The following LTBP2 variants were observed in gnomAD, a reference collection of about 807,000 sequenced individuals.
LTBP2 encodes latent transforming growth factor beta binding protein 2.
Under a neutral mutation model 210.6 loss-of-function variants are expected in LTBP2, and 103 were observed. The observed-to-expected ratio is 0.49, with a 90% CI of 0.42 to 0.58. The LOEUF is 0.58. Ranked by LOEUF, LTBP2 falls within the 20% of genes least tolerant of loss-of-function variation. LTBP2 has a pLI of 0.00. For synonymous variants in LTBP2, 1,007 were observed against 1,015.0 expected, an observed-to-expected ratio of 0.99 and a Z score of 0.15; for missense variants, 2,313 against 2,494.5, an observed-to-expected ratio of 0.93 and a Z score of 1.55.
intron 17 of LTBP2, 48 bp downstream of exon 17, chr14:74,521,863 C>A: frequency 6.2e-7 from 1 of 1,612,270 alleles, no homozygotes; most frequent in East Asian, 2.2e-5. Flanking sequence ...TCTTCCACCC[C>A]CTCAAGACTG....
At chr14:74,519,756 C>T (rs553022984) in intron 17 of LTBP2, among the ~76,000 whole-genome samples, 36 of 152,296 alleles carry the variant, frequency 2.4e-4, no homozygotes, top group South Asian at 4.1e-4. Context: ...CAGGCTGGCA[C>T]GGTGGCAGAA....
intron 3 of LTBP2, among the ~76,000 whole-genome samples, chr14:74,570,035 C>T (rs1384153960): frequency 6.6e-6 from 1 of 152,100 alleles, no homozygotes; most frequent in Non-Finnish European, 1.5e-5. Flanking sequence ...GAGCTGCAGC[C>T]ATGAAAAGGG....
chr14:74,562,566 A>T (rs1243501481), intron 3 of LTBP2, among the ~76,000 whole-genome samples: 1 of 152,186 alleles, frequency 6.6e-6, no homozygotes, highest in Non-Finnish European at 1.5e-5. Context: ...AGAAACAGAA[A>T]TGTCAGAGAC....
chr14:74,507,015 T>C (rs1566614506), intron 26 of LTBP2, among the ~76,000 whole-genome samples, 164 bp downstream of exon 26: 1 of 152,204 alleles, frequency 6.6e-6, no homozygotes, highest in Non-Finnish European at 1.5e-5. Context: ...ATCCTAACAT[T>C]CACAGTCCTG....
In LTBP2 at chr14:74,527,549, C is replaced by A. The variant is rs111609012; in HGVS notation, c.2369-183G>T. On this transcript the variant is annotated intron_variant, in intron 12 of 35. Coordinates refer to ENST00000261978, the MANE Select transcript of LTBP2 (RefSeq NM_000428.3). ...CCATCACCCCTGTAGGGACTGGCCA[C>A]CACAAAATTCCAGAACCCCAGGTCT... is the stretch of plus-strand genomic sequence containing the variant. 2.6e-3 allele frequency among the ~76,000 whole-genome samples: 397 copies of A among 152,342 alleles called. 1 individual carries two copies. Among genetic ancestry groups the A allele is most frequent in the African/African-American group, 9.1e-3 (377 of 41,586 alleles).
chr14:74,582,698 G>A (rs555958603), intron 3 of LTBP2, among the ~76,000 whole-genome samples: 6 of 152,182 alleles, frequency 3.9e-5, no homozygotes, highest in South Asian at 2.1e-4. Context: ...ACCAAAGCCC[G>A]GGCTCTAACC....
intron 1 of LTBP2, among the ~76,000 whole-genome samples, chr14:74,605,837 G>A (rs75621606): frequency 0.02 from 3,116 of 152,250 alleles, 119 homozygotes; most frequent in African/African-American, 0.072. Flanking sequence ...GTAAGGCCAC[G>A]TGAGGATTGG....
chr14:74,601,552 T>G (rs144451321), intron 2 of LTBP2, among the ~76,000 whole-genome samples: 175 of 152,108 alleles, frequency 1.2e-3, no homozygotes, highest in African/African-American at 3.9e-3. Flanking sequence ...TGTTTTTGAG[T>G]TTTTGGCTCT....
At chr14:74,547,806 TG>T (rs2087596752) in intron 8 of LTBP2, among the ~76,000 whole-genome samples, 1 of 152,044 alleles carries the variant, frequency 6.6e-6, no homozygotes, top group African/African-American at 2.4e-5. Flanking sequence ...CCCACCCACT[TG>T]TCTGAATGAG....
At chr14:74,546,253 A>G (rs543550917) in intron 8 of LTBP2, among the ~76,000 whole-genome samples, 2 of 152,306 alleles carry the variant, frequency 1.3e-5, no homozygotes, top group East Asian at 3.9e-4. Flanking sequence ...GCCAGGGATG[A>G]TCTAGGATCC....
chr14:74,612,236 G>A lies in LTBP2; in HGVS notation c.-292C>T. On this transcript the variant is annotated 5_prime_UTR_variant, in exon 1 of 36. Transcript: ENST00000261978. ...AGGGGACCCGGACGGTTTTATTTTTGGAAACCTCCCCCGGCTTTTTCGTCT... is the reference window on the plus strand; with the variant it reads ...AGGGGACCCGGACGGTTTTATTTTTAGAAACCTCCCCCGGCTTTTTCGTCT... 2.4e-6 allele frequency: 1 copy of A among 411,304 alleles called. No homozygotes were observed. Among genetic ancestry groups the A allele is most frequent in the Non-Finnish European group, 4.3e-6 (1 of 232,738 alleles). 25.5% of individuals were successfully genotyped at this position (411,304 alleles called of 1,614,324 possible).
intron 8 of LTBP2, among the ~76,000 whole-genome samples, chr14:74,536,586 C>A (rs1025379610): frequency 1.3e-5 from 2 of 152,222 alleles, no homozygotes; most frequent in African/African-American, 4.8e-5. Context: ...GTGGCTCATG[C>A]CTTAATCCCA....
intron 19 of LTBP2, among the ~76,000 whole-genome samples, chr14:74,510,785 G>A (rs2087060710): frequency 6.6e-6 from 1 of 152,242 alleles, no homozygotes; most frequent in Non-Finnish European, 1.5e-5. Flanking sequence ...TGAGGGGGCT[G>A]CAGGAAAAGA....
chr14:74,553,214 G>A (rs141296156), intron 4 of LTBP2, 152 bp from the exon 5 acceptor site: 1 of 749,170 alleles, frequency 1.3e-6, no homozygotes, highest in East Asian at 2.7e-5. Context: ...CATCGTAGGG[G>A]CAAGGTGATA....
At position 74,508,722 on chromosome 14, in the gene LTBP2, A is replaced by G; in HGVS notation, c.3534T>C (p.Asn1178=). The G allele has an allele frequency of 6.2e-7, 1 of 1,613,770 alleles. No individual in the cohort carries two copies. The highest frequency in any genetic ancestry group is 8.5e-7 in the Non-Finnish European group (1 of 1,179,920). Residue 1178 remains asparagine, a synonymous_variant, in exon 24 of 36, where the codon AAT becomes AAC. Coordinates refer to ENST00000261978, the MANE Select transcript of LTBP2 (RefSeq NM_000428.3). ...CGCAGTGCTCCTCCCCCATGCACTC[A>G]TTCACATCTGCAGGGAAAAGATGGG... ...LANGTVCEDV[N]ECMGEEHCAP...
chr14:74,577,787 A>C (rs2088079639), intron 3 of LTBP2, among the ~76,000 whole-genome samples: 1 of 98,894 alleles, frequency 1.0e-5, no homozygotes, highest in Non-Finnish European at 2.3e-5. Flanking sequence ...GATTACAGGC[A>C]TGGCCAGCGC....
At chr14:74,592,406 C>T (rs987198762) in intron 2 of LTBP2, among the ~76,000 whole-genome samples, 4 of 152,300 alleles carry the variant, frequency 2.6e-5, no homozygotes, top group African/African-American at 9.6e-5. Context: ...CGGTGGCTCA[C>T]GCCTGTAATC....
rs555877954 is a variant in LTBP2 at position 74,523,953 on chromosome 14, C to G, written c.2531-1035G>C. Among the ~76,000 whole-genome samples the G allele has an allele frequency of 4.6e-5, 7 of 152,196 alleles. No homozygotes were observed. In the South Asian group the frequency reaches 1.2e-3, roughly 27 times the overall value. On this transcript the variant is annotated intron_variant, in intron 15 of 35. Coordinates refer to ENST00000261978, the MANE Select transcript of LTBP2 (RefSeq NM_000428.3). Reference sequence around the variant, plus strand: ...GGCTACCCTCTCCCCGGGCCTGGCTCTAAGTTTGTGTCAGCCTTGGGGGTT... The same window carrying G: ...GGCTACCCTCTCCCCGGGCCTGGCTGTAAGTTTGTGTCAGCCTTGGGGGTT...
At chr14:74,508,178 G>A in intron 24 of LTBP2, 83 bp from the exon 25 acceptor site, 2 of 1,529,228 alleles carry the variant, frequency 1.3e-6, no homozygotes, top group South Asian at 1.2e-5. Context: ...TGGGCCCTGA[G>A]TAGCCCATAG....
Sources: allele counts gnomAD v4.1 joint callset (sites outside exome capture counted in the v4.1 genomes callset), GRCh38; gene constraint gnomAD v4.1.1; transcripts MANE v1.5; gene names NCBI Gene and HGNC (gene_info 2026-07-23, HGNC 2026-07-21).